The following IL1RAPL1 variants were observed in gnomAD, a reference collection of about 807,000 sequenced individuals.
IL1RAPL1 encodes interleukin 1 receptor accessory protein like 1.
Under a neutral mutation model 48.4 loss-of-function variants are expected in IL1RAPL1, and 3 were observed. The ratio of observed to expected loss-of-function variants is 0.06; its 90% CI spans 0.03 to 0.16. IL1RAPL1 has a LOEUF of 0.16. Among genes scored for constraint, IL1RAPL1 ranks in the 10% least tolerant of loss-of-function variants. The pLI, the probability that IL1RAPL1 is intolerant of heterozygous loss-of-function variation, is 1.00. For missense variants in IL1RAPL1, 349 were observed against 530.6 expected, an observed-to-expected ratio of 0.66 and a Z score of 3.36; for synonymous variants, 185 against 187.7, an observed-to-expected ratio of 0.99 and a Z score of 0.12.
chrX:29,842,905 T>TC (rs1670260718), intron 6 of IL1RAPL1, among the ~76,000 whole-genome samples: 1 of 111,807 alleles, frequency 8.9e-6, no homozygotes, highest in Non-Finnish European at 1.9e-5. Context: ...GCTTTTGTTT[T>TC]CCCCCCAGCC....
chrX:29,413,506 A>G (rs5929038), intron 5 of IL1RAPL1, among the ~76,000 whole-genome samples: 1 of 77,337 alleles, frequency 1.3e-5, no homozygotes, highest in Non-Finnish European at 2.5e-5. Flanking sequence ...CCTCCCCCCT[A>G]CCCCCACCCC....
At chrX:29,185,157 G>A (rs1011994573) in intron 2 of IL1RAPL1, among the ~76,000 whole-genome samples, 4 of 112,486 alleles carry the variant, frequency 3.6e-5, no homozygotes, top group African/African-American at 1.3e-4. Flanking sequence ...AGGTATCAAA[G>A]CAATAATGAA....
At chrX:28,687,761 G>C (rs1190054208) in intron 1 of IL1RAPL1, among the ~76,000 whole-genome samples, 1 of 104,754 alleles carries the variant, frequency 9.5e-6, no homozygotes, top group African/African-American at 3.5e-5. Context: ...CAGCCTGGGC[G>C]ACAGAGCGAG....
At chrX:29,910,384 TA>T (rs545061186) in intron 6 of IL1RAPL1, among the ~76,000 whole-genome samples, 1,113 of 106,143 alleles carry the variant, frequency 0.01, 6 homozygotes, top group Non-Finnish European at 0.016. Context: ...AGTAAAAATT[TA>T]AAAAAAAAAA....
intron 5 of IL1RAPL1, among the ~76,000 whole-genome samples, chrX:29,416,072 C>G (rs764205934): frequency 9.0e-6 from 1 of 111,518 alleles, no homozygotes; most frequent in Admixed American, 9.6e-5. Flanking sequence ...TCTTATTATA[C>G]TCACTTTGTG....
chrX:29,124,696 T>C (rs1313425536), intron 2 of IL1RAPL1, among the ~76,000 whole-genome samples: 1 of 112,219 alleles, frequency 8.9e-6, no homozygotes, highest in Non-Finnish European at 1.9e-5. Context: ...AAGCCATGTG[T>C]CACCTTTTTC....
At chrX:29,643,825 A>G (rs1425962439) in intron 5 of IL1RAPL1, among the ~76,000 whole-genome samples, 3 of 111,733 alleles carry the variant, frequency 2.7e-5, no homozygotes, top group Non-Finnish European at 5.6e-5. Context: ...AGCCTTACTT[A>G]TGGAGGCATT....
At chrX:28,729,583 A>G (rs909848223) in intron 1 of IL1RAPL1, among the ~76,000 whole-genome samples, 8 of 111,095 alleles carry the variant, frequency 7.2e-5, no homozygotes, top group Non-Finnish European at 1.1e-4. Context: ...TGAGGACTGG[A>G]AATACTCTAG....
intron 5 of IL1RAPL1, among the ~76,000 whole-genome samples, chrX:29,649,979 A>G (rs1466409626): frequency 8.9e-6 from 1 of 111,867 alleles, no homozygotes; most frequent in African/African-American, 3.2e-5. Flanking sequence ...ACTATCTGAA[A>G]AAGAAATATT....
chrX:29,606,324 G>A (rs1484447106), intron 5 of IL1RAPL1, among the ~76,000 whole-genome samples: 1 of 103,185 alleles, frequency 9.7e-6, no homozygotes, highest in Non-Finnish European at 2.0e-5. Context: ...GCATGGGGTA[G>A]GAAGTAGTGG....
At chrX:29,577,922 C>T (rs1922830383) in intron 5 of IL1RAPL1, among the ~76,000 whole-genome samples, 1 of 95,846 alleles carries the variant, frequency 1.0e-5, no homozygotes, top group African/African-American at 4.0e-5. Flanking sequence ...TTTGGCTGTA[C>T]ATTAGAATCA....
chrX:29,883,490 A>G (rs1275649195), intron 6 of IL1RAPL1, among the ~76,000 whole-genome samples: 1 of 112,080 alleles, frequency 8.9e-6, no homozygotes, highest in Admixed American at 9.5e-5. Flanking sequence ...AAAAACATAC[A>G]AATTAGTGTA....
intron 6 of IL1RAPL1, among the ~76,000 whole-genome samples, chrX:29,902,763 T>TAATA (rs1287746619): frequency 8.9e-6 from 1 of 111,826 alleles, no homozygotes; most frequent in African/African-American, 3.3e-5. Context: ...AATTCTCTTA[T>TAATA]AATCTATTGA....
intron 6 of IL1RAPL1, among the ~76,000 whole-genome samples, chrX:29,706,618 T>A (rs1438902858): frequency 6.3e-5 from 7 of 111,685 alleles, no homozygotes; most frequent in Non-Finnish European, 1.9e-5. Flanking sequence ...CACATCCAGG[T>A]CATGCTGATG....
chrX:29,264,818 C>T (rs1931923652), intron 2 of IL1RAPL1, among the ~76,000 whole-genome samples: 1 of 111,224 alleles, frequency 9.0e-6, no homozygotes, highest in African/African-American at 3.3e-5. Flanking sequence ...TGTTTCTTAG[C>T]CATCCTAGAG....
In IL1RAPL1 at chrX:29,231,000, G is replaced by A. The variant is rs1602124701; in HGVS notation, c.83-51938G>A. Among the ~76,000 whole-genome samples the A allele has an allele frequency of 2.7e-5, 3 of 111,909 alleles. No individual in the cohort carries two copies. In the Middle Eastern group the frequency reaches 0.014, roughly 516 times the overall value. On this transcript the variant is annotated intron_variant, in intron 2 of 10. Transcript: ENST00000378993. Reference sequence around the variant, plus strand: ...CAGTATTATAAGTTAAGTCTGTCCTGTATTCATCAGAAAAAAACAGAATCT... The same window carrying A: ...CAGTATTATAAGTTAAGTCTGTCCTATATTCATCAGAAAAAAACAGAATCT...
intron 6 of IL1RAPL1, among the ~76,000 whole-genome samples, chrX:29,752,410 C>T (rs990239980): frequency 2.9e-5 from 3 of 104,150 alleles, no homozygotes; most frequent in East Asian, 6.1e-4. Flanking sequence ...GCAGGAGAAT[C>T]GCTTGAACCC....
chrX:29,255,975 G>A (rs1249478592), intron 2 of IL1RAPL1, among the ~76,000 whole-genome samples: 2 of 111,599 alleles, frequency 1.8e-5, no homozygotes, highest in Non-Finnish European at 3.8e-5. Context: ...TATATACCCA[G>A]TAATGAGATT....
chrX:29,910,358 C>T (rs1212846378), intron 6 of IL1RAPL1, among the ~76,000 whole-genome samples: 1 of 109,034 alleles, frequency 9.2e-6, no homozygotes, highest in Admixed American at 9.8e-5. Flanking sequence ...AACAAACCTG[C>T]ACATGTACCC....
Sources: allele counts gnomAD v4.1 joint callset (sites outside exome capture counted in the v4.1 genomes callset), GRCh38; gene constraint gnomAD v4.1.1; transcripts MANE v1.5; gene names NCBI Gene and HGNC (gene_info 2026-07-23, HGNC 2026-07-21).